LRRC9: variants seen among roughly 807,000 people sequenced by gnomAD.
LRRC9 encodes the protein leucine rich repeat containing 9.
LRRC9 carries 122 observed loss-of-function variants against 63.2 expected under a neutral mutation model. The ratio of observed to expected loss-of-function variants is 1.93; its 90% confidence interval spans 1.67 to 2.24. The LOEUF (loss-of-function observed/expected upper bound fraction) is 2.24. LRRC9 is among the 30% of genes most tolerant of loss of function. The probability of loss-of-function intolerance (pLI) is 0.00; values close to 1 mark genes in which losing one functional copy is unlikely to be tolerated. For synonymous variants in LRRC9, 366 were observed against 213.1 expected, an observed-to-expected ratio of 1.72 and a Z score of -6.25; for missense variants, 1,071 against 627.7, an observed-to-expected ratio of 1.71 and a Z score of -7.55.
At chr14:59,972,221 G>C (rs895926115) in intron 12 of LRRC9, among the ~76,000 whole-genome samples, 2 of 152,066 alleles carry the variant, frequency 1.3e-5, no homozygotes, top group Non-Finnish European at 2.9e-5. Context: ...CAACTCAAGG[G>C]TTTCTTCTTT....
Position 60,042,627 on chromosome 14 carries a change from G to A in LRRC9, c.3991-10438G>A, listed in dbSNP as rs1045794362. Among the ~76,000 whole-genome samples, 1 of 152,156 alleles carries A rather than the reference G, an allele frequency of 6.6e-6. No individual in the cohort carries two copies. Among genetic ancestry groups the A allele is most frequent in the South Asian group, 2.1e-4 (1 of 4,828 alleles). On this transcript the variant is annotated intron_variant, in intron 29 of 31. Transcript: ENST00000445360. The surrounding 1 kb of genome is among the most constrained non-coding windows in gnomAD (Gnocchi z 4.2). ...CACAGTATTAGGCTGAGAGTGTCCC[G>A]ATTTTCCAGGTACTGCCTGTCATGG...
intron 10 of LRRC9, among the ~76,000 whole-genome samples, chr14:59,961,597 A>G (rs1472627095): frequency 6.6e-6 from 1 of 152,134 alleles, no homozygotes; most frequent in Non-Finnish European, 1.5e-5. Flanking sequence ...ATGTTAGCAT[A>G]AAGTATATGC....
chr14:60,010,567 T>G (rs1217257717), intron 23 of LRRC9, among the ~76,000 whole-genome samples: 1 of 152,216 alleles, frequency 6.6e-6, no homozygotes, highest in Non-Finnish European at 1.5e-5. Context: ...CGATTTGCAT[T>G]TGGCACCTCG....
In LRRC9 at chr14:59,962,316, T is replaced by A. The variant is rs914053266; in HGVS notation, c.1211+1271T>A. On this transcript the variant is annotated intron_variant, in intron 10 of 31. Transcript: ENST00000445360. The surrounding 1 kb of genome is among the most constrained non-coding windows in gnomAD (Gnocchi z 5.1). ...ATAAAAGGTGTTCATCCAGCTCCCA[T>A]GTAAACAAGTAAAGGCCTTGATTTT... Among the ~76,000 whole-genome samples the A allele has an allele frequency of 6.6e-6, 1 of 152,196 alleles. No individual in the cohort carries two copies. The highest frequency in any genetic ancestry group is 2.4e-5 in the African/African-American group (1 of 41,466).
chr14:60,058,202 AGTTTT>A lies in LRRC9; in HGVS notation c.4276+181_4276+185del, dbSNP rs1237414384. The stretch of plus-strand genomic sequence containing the variant: ...CAGAGATTATAGTTTTATTATTTTT[AGTTTT>A]ATTATAGCTTTTTTTGTACTCAGCT... On this transcript the variant is annotated intron_variant, in intron 31 of 31. Coordinates refer to ENST00000445360, the Ensembl canonical transcript of LRRC9. This position sits in a 1 kb window ranked among gnomAD's most constrained non-coding sequence, Gnocchi z 4.4. Among the ~76,000 whole-genome samples, 1 of 152,114 alleles carries A rather than the reference AGTTTT, an allele frequency of 6.6e-6. No homozygotes were observed. Among genetic ancestry groups the A allele is most frequent in the Non-Finnish European group, 1.5e-5 (1 of 67,976 alleles).
chr14:60,037,676 C>T (rs981875037), intron 29 of LRRC9, among the ~76,000 whole-genome samples: 2 of 151,994 alleles, frequency 1.3e-5, no homozygotes, highest in East Asian at 1.9e-4. Context: ...GCCCTTTGTC[C>T]GATAGGTAGA....
intron 17 of LRRC9, among the ~76,000 whole-genome samples, chr14:59,994,978 C>T (rs952703456): frequency 2.2e-4 from 33 of 150,014 alleles, no homozygotes; most frequent in Middle Eastern, 3.4e-3. Context: ...CTGCACGTTG[C>T]GCACATGTAC....
intron 29 of LRRC9, among the ~76,000 whole-genome samples, chr14:60,049,409 T>C (rs750355502): frequency 6.6e-6 from 1 of 152,220 alleles, no homozygotes; most frequent in Admixed American, 6.5e-5. Context: ...TTCCTTTCCA[T>C]ATTTAGTGCT....
chr14:60,063,288 C>A, intron 31 of LRRC9, 35 bp from the exon 33 acceptor site: 1 of 694,814 alleles, frequency 1.4e-6, no homozygotes, highest in South Asian at 1.5e-5. Flanking sequence ...AATTAAGTCA[C>A]CACTATTTGA....
chr14:59,927,052 C>G lies in LRRC9; in HGVS notation c.-33-859C>G, dbSNP rs1412542139. 6.6e-6 allele frequency among the ~76,000 whole-genome samples: 1 copy of G among 152,090 alleles called. No homozygotes were observed. The highest frequency in any genetic ancestry group is 1.5e-5 in the Non-Finnish European group (1 of 67,956). ...TACATTTGTATTCTGGCCACAAAGG[C>G]TTTCACCTGCATCTAAGGAAACTCA... On this transcript the variant is annotated intron_variant, in intron 1 of 31. Coordinates refer to ENST00000445360, the Ensembl canonical transcript of LRRC9. This position sits in a 1 kb window ranked among gnomAD's most constrained non-coding sequence, Gnocchi z 4.4.
chr14:59,981,888 T>C, exon 16 of LRRC9: 1 of 702,174 alleles, frequency 1.4e-6, no homozygotes, highest in Non-Finnish European at 2.6e-6. Flanking sequence ...AACAATGTTA[T>C]TCTAGAAGAA....
chr14:60,033,564 T>C (rs1488968536), intron 29 of LRRC9, among the ~76,000 whole-genome samples: 4 of 152,174 alleles, frequency 2.6e-5, no homozygotes, highest in Non-Finnish European at 4.4e-5. Context: ...GTTAATATGG[T>C]AAATTACGTT....
At chr14:60,040,616 A>G (rs969360498) in intron 29 of LRRC9, among the ~76,000 whole-genome samples, 1 of 151,786 alleles carries the variant, frequency 6.6e-6, no homozygotes, top group Non-Finnish European at 1.5e-5. Flanking sequence ...TCCTTGGTAG[A>G]TCTTCCTCCA....
intron 23 of LRRC9, among the ~76,000 whole-genome samples, chr14:60,014,534 G>A (rs1890520671): frequency 6.6e-6 from 1 of 151,864 alleles, no homozygotes; most frequent in South Asian, 2.1e-4. Flanking sequence ...ATAGAATTCT[G>A]GGTTGATGTT....
chr14:59,992,330 A>G (rs1055080489), intron 17 of LRRC9, among the ~76,000 whole-genome samples: 1 of 152,160 alleles, frequency 6.6e-6, no homozygotes, highest in Admixed American at 6.5e-5. Flanking sequence ...ATCATCAAAG[A>G]CCAAAGGTAG....
intron 17 of LRRC9, 121 bp from the exon 18 acceptor site, chr14:59,997,535 T>C (rs1346878070): frequency 5.6e-6 from 3 of 533,682 alleles, no homozygotes; most frequent in Non-Finnish European, 9.9e-6. Context: ...ATAACTACTG[T>C]TTATGTGTCC....
At chr14:60,002,370 C>T (rs1197065968) in intron 20 of LRRC9, among the ~76,000 whole-genome samples, 2 of 152,120 alleles carry the variant, frequency 1.3e-5, no homozygotes, top group African/African-American at 2.4e-5. Flanking sequence ...AGAAAGTATT[C>T]GTCTTGCATA....
intron 1 of LRRC9, among the ~76,000 whole-genome samples, chr14:59,925,668 G>C (rs1179718366): frequency 6.6e-6 from 1 of 152,060 alleles, no homozygotes; most frequent in Non-Finnish European, 1.5e-5. Flanking sequence ...GCAATTTTCT[G>C]GTGCATTTCT....
At chr14:60,010,181 C>T (rs1299161323) in intron 23 of LRRC9, among the ~76,000 whole-genome samples, 1 of 152,190 alleles carries the variant, frequency 6.6e-6, no homozygotes, top group East Asian at 1.9e-4. Flanking sequence ...TTCTTTTTGG[C>T]ACTGCCCTAG....
Sources: allele counts gnomAD v4.1 joint callset (sites outside exome capture counted in the v4.1 genomes callset), GRCh38; gene constraint gnomAD v4.1.1; non-coding constraint Gnocchi (gnomAD v3.1); transcripts MANE v1.5; gene names NCBI Gene and HGNC (gene_info 2026-07-23, HGNC 2026-07-21).